The following SUPT3H variants were observed in gnomAD, a reference collection of about 807,000 sequenced individuals.
SUPT3H encodes the protein transcription initiation protein SPT3 homolog.
In SUPT3H, 44 loss-of-function variants were observed where a neutral mutation model predicts 44.3. The ratio of observed to expected loss-of-function variants is 0.99; its 90% CI spans 0.78 to 1.28. SUPT3H has a LOEUF of 1.28. SUPT3H is among the 50% of genes most tolerant of loss of function. The pLI is 0.00. For missense variants in SUPT3H, 380 were observed against 387.1 expected (o/e 0.98, Z 0.15); for synonymous variants, 124 against 125.6 (o/e 0.99, Z 0.09).
chr6:44,942,295 T>TA (rs201488466), intron 9 of SUPT3H, among the ~76,000 whole-genome samples: 2,436 of 142,686 alleles, frequency 0.017, 26 homozygotes, highest in South Asian at 0.031. Flanking sequence ...GAATAGGTAA[T>TA]AAAAAAAAAA....
chr6:45,058,028 C>G (rs1426714871), intron 3 of SUPT3H, among the ~76,000 whole-genome samples: 3 of 152,074 alleles, frequency 2.0e-5, no homozygotes, highest in African/African-American at 4.8e-5. Context: ...AGTTAGTTAT[C>G]TAAGTTAAAA....
At chr6:45,041,876 G>C (rs1381593927) in intron 3 of SUPT3H, among the ~76,000 whole-genome samples, 1 of 152,110 alleles carries the variant, frequency 6.6e-6, no homozygotes, top group Non-Finnish European at 1.5e-5. Flanking sequence ...CTCCTTCTTA[G>C]GGTTATGAGA....
intron 10 of SUPT3H, among the ~76,000 whole-genome samples, chr6:44,910,840 C>T (rs1427305061): frequency 6.6e-6 from 1 of 150,634 alleles, no homozygotes; most frequent in Non-Finnish European, 1.5e-5. Context: ...CTAAAAAATA[C>T]AAAAATTAGC....
chr6:45,124,978 T>A (rs1802219392), intron 2 of SUPT3H, among the ~76,000 whole-genome samples: 1 of 152,056 alleles, frequency 6.6e-6, no homozygotes, highest in South Asian at 2.1e-4. Context: ...GACAGTAATG[T>A]GACTGGAGTG....
intron 2 of SUPT3H, among the ~76,000 whole-genome samples, chr6:45,218,251 A>G (rs905709157): frequency 6.6e-6 from 1 of 152,204 alleles, no homozygotes; most frequent in Admixed American, 6.5e-5. Context: ...ATTACTAAAC[A>G]TGAGAAAAGA....
At chr6:45,018,340 C>T (rs544710908) in intron 4 of SUPT3H, among the ~76,000 whole-genome samples, 1,709 of 151,506 alleles carry the variant, frequency 0.011, 15 homozygotes, top group Non-Finnish European at 0.019. Flanking sequence ...CCCTTTATTT[C>T]CTTCTCCTGC....
intron 10 of SUPT3H, among the ~76,000 whole-genome samples, chr6:44,886,154 A>G (rs1235985911): frequency 6.6e-6 from 1 of 152,232 alleles, no homozygotes; most frequent in African/African-American, 2.4e-5. Flanking sequence ...TGTTCCTGAA[A>G]GTGACGGGGG....
At chr6:45,238,002 G>C (rs1458172201) in intron 2 of SUPT3H, among the ~76,000 whole-genome samples, 4 of 152,094 alleles carry the variant, frequency 2.6e-5, no homozygotes, top group East Asian at 1.9e-4. Flanking sequence ...TGAACACTTT[G>C]CACTTACAAT....
At chr6:45,181,161 A>G (rs1271834230) in intron 2 of SUPT3H, among the ~76,000 whole-genome samples, 2 of 133,028 alleles carry the variant, frequency 1.5e-5, no homozygotes, top group African/African-American at 2.9e-5. Context: ...CAAAACCACA[A>G]TGAGATACCA....
chr6:45,037,384 C>T (rs1787830164), intron 3 of SUPT3H, among the ~76,000 whole-genome samples: 1 of 151,460 alleles, frequency 6.6e-6, no homozygotes, highest in South Asian at 2.1e-4. Flanking sequence ...CGCAGTGGCT[C>T]ATGTCTGTAA....
chr6:45,218,019 A>G (rs1438858741), intron 2 of SUPT3H, among the ~76,000 whole-genome samples: 1 of 152,170 alleles, frequency 6.6e-6, no homozygotes, highest in Non-Finnish European at 1.5e-5. Context: ...AAATAAACAG[A>G]AAACAATAAA....
chr6:44,917,837 C>T (rs1768056062), intron 10 of SUPT3H, among the ~76,000 whole-genome samples: 1 of 152,138 alleles, frequency 6.6e-6, no homozygotes, highest in African/African-American at 2.4e-5. Context: ...CCTCTATCAT[C>T]ATATATTATA....
intron 1 of SUPT3H, among the ~76,000 whole-genome samples, chr6:45,370,622 T>C (rs761058372): frequency 5.1e-4 from 77 of 152,310 alleles, no homozygotes; most frequent in Non-Finnish European, 1.1e-3. Context: ...CTGTCAGGAA[T>C]AATTTATCTC....
chr6:45,016,413 G>A (rs1020109741), intron 4 of SUPT3H, among the ~76,000 whole-genome samples: 1 of 151,150 alleles, frequency 6.6e-6, no homozygotes, highest in Admixed American at 6.6e-5. Flanking sequence ...AGTTACATAT[G>A]TATACATGTG....
chr6:45,019,399 T>A (rs1386404774), intron 4 of SUPT3H, among the ~76,000 whole-genome samples: 2 of 152,116 alleles, frequency 1.3e-5, no homozygotes, highest in Non-Finnish European at 2.9e-5. Context: ...AGCTTTTGAA[T>A]GTGTTTGCTC....
intron 3 of SUPT3H, chr6:45,098,682 C>T (rs943781856): frequency 3.5e-5 from 13 of 374,576 alleles, no homozygotes; most frequent in African/African-American, 1.5e-4. Flanking sequence ...CATCTGGACC[C>T]ATCAGAGGAC....
chr6:45,011,139 G>A (rs1783423155), intron 5 of SUPT3H, among the ~76,000 whole-genome samples: 2 of 151,870 alleles, frequency 1.3e-5, no homozygotes, highest in Admixed American at 6.6e-5. Context: ...GAGGATTTTT[G>A]CATCTGTATT....
intron 10 of SUPT3H, among the ~76,000 whole-genome samples, chr6:44,915,407 A>T (rs886283060): frequency 6.6e-6 from 1 of 152,172 alleles, no homozygotes; most frequent in Non-Finnish European, 1.5e-5. Context: ...CTAAGAGAAT[A>T]AACCAAAGAT....
At chr6:45,297,865 T>A (rs749666819) in intron 2 of SUPT3H, among the ~76,000 whole-genome samples, 3 of 152,200 alleles carry the variant, frequency 2.0e-5, no homozygotes, top group Non-Finnish European at 2.9e-5. Context: ...GCTTATCAGC[T>A]CCTTGTATTA....
Sources: gnomAD v4.1 joint callset for allele counts (sites outside exome capture counted in the v4.1 genomes callset) on GRCh38, gnomAD v4.1.1 for gene constraint, MANE v1.5 for transcripts, NCBI Gene and HGNC (gene_info 2026-07-23, HGNC 2026-07-21) for gene names.